The following NNT variants were observed in gnomAD, a reference collection of about 807,000 sequenced individuals.
The protein encoded by NNT is nicotinamide nucleotide transhydrogenase, also known as NAD(P) transhydrogenase, mitochondrial.
Under a neutral mutation model 104.8 loss-of-function variants are expected in NNT, and 50 were observed. The observed-to-expected ratio is 0.48, with a 90% CI of 0.38 to 0.60. The LOEUF (loss-of-function observed/expected upper bound fraction) is 0.60. Among genes scored for constraint, NNT ranks in the 20% least tolerant of loss-of-function variants. The pLI is 0.00. For synonymous variants in NNT, 461 were observed against 490.4 expected (o/e 0.94, Z 0.79); for missense variants, 1,131 against 1,330.7 (o/e 0.85, Z 2.33).
chr5:43,621,925 C>G (rs1750118112), intron 5 of NNT, among the ~76,000 whole-genome samples: 1 of 152,092 alleles, frequency 6.6e-6, no homozygotes, highest in African/African-American at 2.4e-5. Context: ...GTGTGGTGAA[C>G]AAGATGAAGA....
chr5:43,654,470 A>G (rs1739935097), intron 14 of NNT, among the ~76,000 whole-genome samples: 1 of 152,254 alleles, frequency 6.6e-6, no homozygotes, highest in Non-Finnish European at 1.5e-5. Flanking sequence ...AAAGTCATTC[A>G]TATGGTTGAT....
intron 5 of NNT, among the ~76,000 whole-genome samples, chr5:43,620,529 T>C (rs1750031205): frequency 6.6e-6 from 1 of 152,108 alleles, no homozygotes; most frequent in African/African-American, 2.4e-5. Context: ...TGCTTCCTGC[T>C]CTTAAGTACT....
chr5:43,652,013 C>A, intron 13 of NNT, 129 bp downstream of exon 13: 1 of 974,206 alleles, frequency 1.0e-6, no homozygotes, highest in Admixed American at 2.4e-5. Flanking sequence ...CAACAATAAC[C>A]CTAGAAACAT....
chr5:43,641,948 T>C (rs1223165651), intron 7 of NNT, among the ~76,000 whole-genome samples: 1 of 152,226 alleles, frequency 6.6e-6, no homozygotes, highest in Non-Finnish European at 1.5e-5. Context: ...ATGGGTTGTA[T>C]ATTTTGATGT....
chr5:43,624,202 A>T (rs1474367145), intron 6 of NNT, 82 bp downstream of exon 6: 1 of 1,207,042 alleles, frequency 8.3e-7, no homozygotes, highest in African/African-American at 1.5e-5. Context: ...AAACTTGTAA[A>T]TTGAAGTAGC....
chr5:43,705,542 T>C lies in NNT; in HGVS notation c.*1138T>C, dbSNP rs1032471064. On this transcript the variant is annotated 3_prime_UTR_variant, in exon 22 of 22. Coordinates refer to ENST00000344920, the MANE Select transcript of NNT (RefSeq NM_182977.3). ...GCTATCGTGCCTAAAGCTCTAAATA[T>C]AGGTGAATGTGTGATGAATACTCAG... 7 of 152,086 alleles carry C rather than the reference T, an allele frequency of 4.6e-5. No individual in the cohort carries two copies. The highest frequency in any genetic ancestry group is 1.2e-4 in the African/African-American group (5 of 41,432). 9.4% of individuals were successfully genotyped at this position (152,086 alleles called of 1,614,324 possible).
intron 19 of NNT, among the ~76,000 whole-genome samples, chr5:43,688,298 G>A (rs1742086268): frequency 6.6e-6 from 1 of 152,294 alleles, no homozygotes; most frequent in Admixed American, 6.5e-5. Context: ...ACATGTGACA[G>A]TGGAAGCAGA....
intron 16 of NNT, 31 bp downstream of exon 16, chr5:43,656,844 T>C: frequency 6.3e-7 from 1 of 1,586,074 alleles, no homozygotes; most frequent in Non-Finnish European, 8.6e-7. Context: ...AAGTACATAT[T>C]TGGTGAAGAA....
In NNT at chr5:43,619,024, T is replaced by C. The variant is rs1232273507; in HGVS notation, c.600-8T>C. On this transcript the variant is annotated splice_region_variant and splice_polypyrimidine_tract_variant and intron_variant, in intron 4 of 21. Coordinates refer to ENST00000344920, the MANE Select transcript of NNT (RefSeq NM_182977.3). ...ATTATTTATTTATTTATTTATTTAT[T>C]TTTAAAGTTATAAGGCTGTTGTCCT... is the stretch of plus-strand genomic sequence containing the variant. The C allele has an allele frequency of 3.5e-6, 5 of 1,429,098 alleles. No individual in the cohort carries two copies. The highest frequency in any genetic ancestry group is 4.7e-6 in the Non-Finnish European group (5 of 1,067,878). The allele number at this position is 1,429,098 out of a possible 1,614,324, so 88.5% of individuals were successfully genotyped here.
At chr5:43,624,311 C>G (rs1750251452) in intron 6 of NNT, among the ~76,000 whole-genome samples, 191 bp downstream of exon 6, 1 of 152,194 alleles carries the variant, frequency 6.6e-6, no homozygotes, top group Non-Finnish European at 1.5e-5. Flanking sequence ...TAACAACTCA[C>G]AGCTCTGTTT....
chr5:43,653,908 T>A lies in NNT; in HGVS notation c.2059+695T>A, dbSNP rs1739902803. 2.6e-5 allele frequency among the ~76,000 whole-genome samples: 4 copies of A among 151,588 alleles called. No homozygotes were observed. The South Asian group carries it at 8.3e-4, about 32-fold the overall frequency. On this transcript the variant is annotated intron_variant, in intron 14 of 21. Coordinates refer to ENST00000344920, the MANE Select transcript of NNT (RefSeq NM_182977.3). The stretch of plus-strand genomic sequence containing the variant: ...ATGTGGAGGTTGCAGTGAGCTGTGA[T>A]CATGCTGCTGCACTCCAGCCTGGGT...
Position 43,651,757 on chromosome 5 carries a change from A to G in NNT, c.1736A>G (p.Gln579Arg). Reference protein sequence around the residue: ...VNIAGGFLVTQRMLDMFKRPT... With the variant: ...VNIAGGFLVTRRMLDMFKRPT... ...TGCTAAGGTGGCTTTCTGGTGACTCAGAGAATGCTGGACATGTTCAAGCGT... is the reference window on the plus strand; with the variant it reads ...TGCTAAGGTGGCTTTCTGGTGACTCGGAGAATGCTGGACATGTTCAAGCGT... The change falls in exon 13 of 22, where the codon CAG (glutamine) becomes CGG (arginine). Residue 579 changes from glutamine to arginine, a missense_variant. Physicochemically the swap from Gln to Arg is conservative, Grantham distance 43 (BLOSUM62 1). Coordinates refer to ENST00000344920, the MANE Select transcript of NNT (RefSeq NM_182977.3). The G allele has an allele frequency of 6.2e-7, 1 of 1,614,114 alleles. No homozygotes were observed. The highest frequency in any genetic ancestry group is 2.2e-5 in the East Asian group (1 of 44,878).
chr5:43,683,562 T>C (rs1741829370), intron 19 of NNT, among the ~76,000 whole-genome samples: 1 of 152,250 alleles, frequency 6.6e-6, no homozygotes, highest in South Asian at 2.1e-4. Flanking sequence ...CTTCTGGTTT[T>C]AGTATTAGTT....
chr5:43,657,412 T>C (rs1031717107), intron 16 of NNT, among the ~76,000 whole-genome samples: 2 of 152,240 alleles, frequency 1.3e-5, no homozygotes, highest in Non-Finnish European at 2.9e-5. Flanking sequence ...TGGCATCTTA[T>C]ATCAATGTAT....
At chr5:43,632,447 A>G (rs993933124) in intron 7 of NNT, among the ~76,000 whole-genome samples, 3 of 152,180 alleles carry the variant, frequency 2.0e-5, no homozygotes, top group African/African-American at 7.2e-5. Flanking sequence ...TGTCCTAGGT[A>G]TACGTCACTT....
intron 10 of NNT, among the ~76,000 whole-genome samples, chr5:43,647,613 C>G (rs1235500430): frequency 1.3e-5 from 2 of 152,178 alleles, no homozygotes; most frequent in Non-Finnish European, 2.9e-5. Context: ...CTTTTGTCAG[C>G]CTTTCTCTTC....
At chr5:43,635,267 T>G (rs112807513) in intron 7 of NNT, among the ~76,000 whole-genome samples, 196 of 152,300 alleles carry the variant, frequency 1.3e-3, no homozygotes, top group African/African-American at 4.4e-3. Context: ...GGCAGCTCTT[T>G]TTCATATGGT....
Position 43,659,193 on chromosome 5 carries a change from T to C in NNT, c.2477T>C (p.Ile826Thr), listed in dbSNP as rs1740219362. Residue 826 changes from isoleucine (I) to threonine (T), a missense_variant, in exon 17 of 22, where the codon ATT becomes ACT. By Grantham distance (89) the Ile-to-Thr change is moderately conservative. Transcript: ENST00000344920. ...TAGGGTGTGACTTTGACAGCTGCTA[T>C]TGGGGGTGCTGACATGCCCGTCGTT... The part of the protein sequence containing the change: ...AVMGVTLTAA[I>T]GGADMPVVIT... 1.9e-6 allele frequency: 3 copies of C among 1,611,320 alleles called. No individual in the cohort carries two copies. The highest frequency in any genetic ancestry group is 1.3e-5 in the African/African-American group (1 of 74,802).
chr5:43,648,338 C>A, intron 10 of NNT: 1 of 624,530 alleles, frequency 1.6e-6, no homozygotes, highest in Non-Finnish European at 2.0e-6. Flanking sequence ...GTTCCCTGGT[C>A]ACCCACTGTC....
Sources: allele counts gnomAD v4.1 joint callset (sites outside exome capture counted in the v4.1 genomes callset), GRCh38; gene constraint gnomAD v4.1.1; transcripts MANE v1.5; gene names NCBI Gene and HGNC (gene_info 2026-07-23, HGNC 2026-07-21).